The following RXFP1 variants were observed in gnomAD, a reference collection of about 807,000 sequenced individuals.
The protein encoded by RXFP1 is relaxin receptor 1.
A neutral mutation model predicts 89.8 loss-of-function variants in RXFP1; 73 were observed. The ratio of observed to expected loss-of-function variants is 0.81; its 90% CI spans 0.67 to 0.99. The LOEUF (loss-of-function observed/expected upper bound fraction) is 0.99. Among genes scored for constraint, RXFP1 ranks in the 50% least tolerant of loss-of-function variants. The probability of loss-of-function intolerance (pLI) is 0.00; values close to 1 mark genes in which losing one functional copy is unlikely to be tolerated. For missense variants in RXFP1, 793 were observed against 895.5 expected (o/e 0.89, Z 1.46); for synonymous variants, 277 against 305.5 (o/e 0.91, Z 0.97).
intron 2 of RXFP1, among the ~76,000 whole-genome samples, chr4:158,585,285 A>G (rs1357990871): frequency 6.6e-6 from 1 of 152,202 alleles, no homozygotes; most frequent in Non-Finnish European, 1.5e-5. Context: ...AGGATGCAGC[A>G]TTTCCCAAAC....
At chr4:158,576,751 A>C (rs1198705505) in intron 2 of RXFP1, among the ~76,000 whole-genome samples, 1 of 151,888 alleles carries the variant, frequency 6.6e-6, no homozygotes, top group Non-Finnish European at 1.5e-5. Flanking sequence ...GTCATCTAGA[A>C]ATAGAAAAAA....
At chr4:158,620,114 A>G (rs1426645741) in intron 9 of RXFP1, among the ~76,000 whole-genome samples, 1 of 152,246 alleles carries the variant, frequency 6.6e-6, no homozygotes, top group African/African-American at 2.4e-5. Flanking sequence ...AAGATGGATA[A>G]TATGCACGAA....
chr4:158,649,229 G>C (rs1428809810), intron 17 of RXFP1, among the ~76,000 whole-genome samples: 1 of 152,118 alleles, frequency 6.6e-6, no homozygotes, highest in Non-Finnish European at 1.5e-5. Context: ...CAATTACTAT[G>C]GAACAAAGAA....
At chr4:158,590,117 A>G (rs1759126440) in intron 2 of RXFP1, among the ~76,000 whole-genome samples, 1 of 152,068 alleles carries the variant, frequency 6.6e-6, no homozygotes, top group Non-Finnish European at 1.5e-5. Flanking sequence ...TTAACAACCC[A>G]TAGGATCAGA....
chr4:158,631,450 A>T (rs1768006025), intron 11 of RXFP1, among the ~76,000 whole-genome samples: 1 of 152,216 alleles, frequency 6.6e-6, no homozygotes, highest in Non-Finnish European at 1.5e-5. Context: ...TCGTTCTTGT[A>T]CTCAAAGAAC....
chr4:158,646,512 C>T (rs1771575625), intron 15 of RXFP1: 1 of 1,273,818 alleles, frequency 7.9e-7, no homozygotes, highest in South Asian at 1.6e-5. Flanking sequence ...GGGTCTAGAA[C>T]AATAGACAAG....
chr4:158,544,638 C>T (rs373529567), intron 1 of RXFP1, among the ~76,000 whole-genome samples: 3 of 152,066 alleles, frequency 2.0e-5, no homozygotes, highest in Non-Finnish European at 2.9e-5. Context: ...TGATGTTCCC[C>T]TTCCTGTGTC....
At chr4:158,600,067 A>G (rs1579957997) in intron 4 of RXFP1, among the ~76,000 whole-genome samples, 1 of 152,344 alleles carries the variant, frequency 6.6e-6, no homozygotes, top group East Asian at 1.9e-4. Flanking sequence ...AACTTCAGCA[A>G]CACAAACATA....
At chr4:158,644,846 A>G in intron 14 of RXFP1, 63 bp from the exon 15 acceptor site, 9 of 1,069,996 alleles carry the variant, frequency 8.4e-6, no homozygotes, top group Non-Finnish European at 1.2e-5. Flanking sequence ...GGAAATAAAT[A>G]TGAATGTATG....
intron 6 of RXFP1, chr4:158,610,617 G>C (rs1228913579): frequency 1.7e-6 from 2 of 1,189,802 alleles, no homozygotes; most frequent in Admixed American, 2.3e-5. Flanking sequence ...TTCACTGAAA[G>C]GAGTGATTAT....
Position 158,526,024 on chromosome 4 carries a change from A to G in RXFP1, c.49+3999A>G, listed in dbSNP as rs556027466. 5.9e-5 allele frequency among the ~76,000 whole-genome samples: 9 copies of G among 152,384 alleles called. No homozygotes were observed. The East Asian group carries it at 1.7e-3, about 29-fold the overall frequency. ...CTCTATTTTAGATATTAATCCATAA[A>G]GAAATATTAGCCAGCCCAAGGTCTC... On this transcript the variant is annotated intron_variant, in intron 1 of 17. Coordinates refer to ENST00000307765, the MANE Select transcript of RXFP1 (RefSeq NM_021634.4).
rs964740539 is a variant in RXFP1 at position 158,650,494 on chromosome 4, C to T, written c.1976-1263C>T. 6.0e-5 allele frequency among the ~76,000 whole-genome samples: 9 copies of T among 150,672 alleles called. No individual in the cohort carries two copies. In the South Asian group the frequency reaches 1.0e-3, roughly 18 times the overall value. On this transcript the variant is annotated intron_variant, in intron 17 of 17. Transcript: ENST00000307765. ...ATTTTAAAATTTTCATGTAGCAGGG[C>T]GCAGTGGCTCACACCTGAAATCCCA...
intron 1 of RXFP1, among the ~76,000 whole-genome samples, chr4:158,565,324 A>G (rs1347362132): frequency 6.6e-6 from 1 of 152,224 alleles, no homozygotes; most frequent in Non-Finnish European, 1.5e-5. Context: ...TTAGAAATAT[A>G]CAGAGAAATT....
In RXFP1 at chr4:158,552,122, TGGAAATAA is replaced by T. The variant is rs1261015794; in HGVS notation, c.50-20573_50-20566del. Among the ~76,000 whole-genome samples the T allele has an allele frequency of 1.4e-4, 22 of 152,132 alleles. 1 individual carries two copies. On this transcript the variant is annotated intron_variant, in intron 1 of 17. Coordinates refer to ENST00000307765, the MANE Select transcript of RXFP1 (RefSeq NM_021634.4). ...AGAATCACAGTTGAGGCAGTAGGAATGGAAATAAGGTGTGAAATGGAAATGCTGTTAAG... is the reference window on the plus strand; with the variant it reads ...AGAATCACAGTTGAGGCAGTAGGAATGGTGTGAAATGGAAATGCTGTTAAG...
At chr4:158,618,547 C>T (rs973869352) in intron 9 of RXFP1, among the ~76,000 whole-genome samples, 1 of 151,752 alleles carries the variant, frequency 6.6e-6, no homozygotes, top group African/African-American at 2.4e-5. Context: ...GAATATTATC[C>T]TGATTTTAAT....
chr4:158,620,862 T>G (rs539488979), intron 9 of RXFP1, among the ~76,000 whole-genome samples: 1 of 152,354 alleles, frequency 6.6e-6, no homozygotes, highest in East Asian at 1.9e-4. Flanking sequence ...GGCTCACACC[T>G]ATAATCCCAA....
At chr4:158,635,511 CT>C (rs1321808237) in intron 12 of RXFP1, among the ~76,000 whole-genome samples, 6 of 151,916 alleles carry the variant, frequency 3.9e-5, no homozygotes, top group South Asian at 2.1e-4. Context: ...CTGCCTTTCA[CT>C]TTTTTTTCTT....
rs1012872516 is a variant in RXFP1 at position 158,522,092 on chromosome 4, T to C, written c.49+67T>C. On this transcript the variant is annotated intron_variant, in intron 1 of 17. Coordinates refer to ENST00000307765, the MANE Select transcript of RXFP1 (RefSeq NM_021634.4). ...TGTGGAATAACCACAAGCACAAATG[T>C]TTACTCCTTATATTTATGCTTTTAA... is the stretch of plus-strand genomic sequence containing the variant. The C allele has an allele frequency of 5.6e-6, 5 of 886,512 alleles. No homozygotes were observed. The African/African-American group carries it at 8.4e-5, about 15-fold the overall frequency. The allele number at this position is 886,512 out of a possible 1,614,324, so 54.9% of individuals were successfully genotyped here.
chr4:158,630,378 G>T (rs1317811671), intron 11 of RXFP1, among the ~76,000 whole-genome samples: 1 of 152,178 alleles, frequency 6.6e-6, no homozygotes, highest in Non-Finnish European at 1.5e-5. Flanking sequence ...TAAATAGTAG[G>T]GGGAGATGCA....
Sources: allele counts gnomAD v4.1 joint callset (sites outside exome capture counted in the v4.1 genomes callset), GRCh38; gene constraint gnomAD v4.1.1; transcripts MANE v1.5; gene names NCBI Gene and HGNC (gene_info 2026-07-23, HGNC 2026-07-21).